Variants in DNM3 observed in about 807,000 individuals in gnomAD.
The protein encoded by DNM3 is dynamin-3.
Under a neutral mutation model 101.6 loss-of-function variants are expected in DNM3, and 47 were observed. That is an observed-to-expected ratio of 0.46 (90% CI 0.37 to 0.59). DNM3 has a LOEUF of 0.59. Among genes scored for constraint, DNM3 ranks in the 20% least tolerant of loss-of-function variants. The pLI is 0.00. For synonymous variants in DNM3, 385 were observed against 387.9 expected (o/e 0.99, Z 0.09); for missense variants, 849 against 1,085.7 (o/e 0.78, Z 3.06).
chr1:172,358,724 C>G (rs1573593101), intron 17 of DNM3, among the ~76,000 whole-genome samples: 1 of 152,158 alleles, frequency 6.6e-6, no homozygotes, highest in South Asian at 2.1e-4. Context: ...TCTCACAAGC[C>G]AGCTCCAGAC....
chr1:172,032,331 T>G (rs2048667675), intron 4 of DNM3, 71 bp from the exon 5 acceptor site: 1 of 1,070,802 alleles, frequency 9.3e-7, no homozygotes, highest in South Asian at 1.3e-5. Flanking sequence ...ACATTTAGCA[T>G]TGTGACATAT....
At chr1:172,152,544 T>G (rs1471576950) in intron 14 of DNM3, among the ~76,000 whole-genome samples, 1 of 152,160 alleles carries the variant, frequency 6.6e-6, no homozygotes, top group Non-Finnish European at 1.5e-5. Flanking sequence ...TAATGTCAAC[T>G]GTAACTATTT....
intron 1 of DNM3, among the ~76,000 whole-genome samples, chr1:171,909,503 A>G (rs1258423724): frequency 1.3e-5 from 2 of 152,080 alleles, no homozygotes; most frequent in African/African-American, 4.8e-5. Context: ...AGGCATCAGA[A>G]GACACTCTTT....
intron 12 of DNM3, among the ~76,000 whole-genome samples, chr1:172,085,039 TCTAGTTATTTGTTAGACATGGC>T (rs1335834049): frequency 6.6e-6 from 1 of 152,152 alleles, no homozygotes; most frequent in African/African-American, 2.4e-5. Flanking sequence ...TTTTCCATCT[TCTAGTTATTTGTTAGACATGGC>T]CTGTAAAATA....
At chr1:171,893,800 T>C (rs16828382) in intron 1 of DNM3, among the ~76,000 whole-genome samples, 2,186 of 151,938 alleles carry the variant, frequency 0.014, 60 homozygotes, top group African/African-American at 0.048. Context: ...TTCAATCCAA[T>C]ATAAGTTGAA....
intron 17 of DNM3, among the ~76,000 whole-genome samples, chr1:172,366,077 T>C (rs1020953141): frequency 6.6e-6 from 1 of 151,632 alleles, no homozygotes; most frequent in Non-Finnish European, 1.5e-5. Context: ...AAACATTTTT[T>C]TAATTAATTA....
At chr1:172,308,614 G>T in intron 15 of DNM3, 114 bp from the exon 16 acceptor site, 1 of 451,780 alleles carries the variant, frequency 2.2e-6, no homozygotes. Flanking sequence ...TTCAGTGACT[G>T]TCAGAAACTG....
At chr1:172,148,394 A>G (rs1275955643) in intron 14 of DNM3, among the ~76,000 whole-genome samples, 1 of 151,986 alleles carries the variant, frequency 6.6e-6, no homozygotes, top group African/African-American at 2.4e-5. Flanking sequence ...TTCTGGTCAA[A>G]TATTCGTCAT....
chr1:172,023,373 T>C lies in DNM3; in HGVS notation c.590-9029T>C, dbSNP rs139112438. ...AAAGGTGAAAGGGAGGTAAAATATTTTGAGATTTGCAAGTCTGGAAATATC... is the reference window on the plus strand; with the variant it reads ...AAAGGTGAAAGGGAGGTAAAATATTCTGAGATTTGCAAGTCTGGAAATATC... On this transcript the variant is annotated intron_variant, in intron 4 of 20. Transcript: ENST00000627582. Among the ~76,000 whole-genome samples, 10 of 152,302 alleles carry C rather than the reference T, an allele frequency of 6.6e-5. No homozygotes were observed. The East Asian group carries it at 1.7e-3, about 26-fold the overall frequency.
chr1:172,220,036 A>G (rs754552100), intron 14 of DNM3, among the ~76,000 whole-genome samples: 8 of 152,224 alleles, frequency 5.3e-5, no homozygotes, highest in Non-Finnish European at 1.0e-4. Flanking sequence ...CCAGGGTTCT[A>G]AAGTAGGCAA....
At chr1:171,977,131 C>G (rs927641236) in intron 2 of DNM3, among the ~76,000 whole-genome samples, 1 of 152,216 alleles carries the variant, frequency 6.6e-6, no homozygotes, top group Non-Finnish European at 1.5e-5. Flanking sequence ...ATTGGAATAA[C>G]TCCTTATTCA....
At chr1:172,034,119 C>T (rs2048800951) in intron 6 of DNM3, among the ~76,000 whole-genome samples, 1 of 152,030 alleles carries the variant, frequency 6.6e-6, no homozygotes. Context: ...CAATATGTGA[C>T]ATTATACCTG....
chr1:172,068,783 T>C (rs774119788), intron 10 of DNM3, 36 bp from the exon 11 acceptor site: 629 of 1,496,474 alleles, frequency 4.2e-4, no homozygotes, highest in Non-Finnish European at 5.2e-4. Flanking sequence ...GTGTAACTTT[T>C]TGAGTATTAA....
intron 12 of DNM3, among the ~76,000 whole-genome samples, chr1:172,085,543 T>C (rs1489599163): frequency 1.3e-5 from 2 of 152,170 alleles, no homozygotes; most frequent in African/African-American, 4.8e-5. Context: ...GTTAGAGTGA[T>C]ATCTCTATAC....
intron 2 of DNM3, among the ~76,000 whole-genome samples, chr1:171,978,889 T>A (rs1478214777): frequency 1.3e-5 from 2 of 152,136 alleles, no homozygotes; most frequent in Admixed American, 1.3e-4. Context: ...AAATGTCAGT[T>A]AAGCATTAGA....
chr1:171,894,292 C>T (rs1453029626), intron 1 of DNM3, among the ~76,000 whole-genome samples: 1 of 152,216 alleles, frequency 6.6e-6, no homozygotes, highest in Non-Finnish European at 1.5e-5. Context: ...TCCCACTGTC[C>T]TTGAGCAGGG....
chr1:171,999,457 A>T (rs1371843935), intron 4 of DNM3, among the ~76,000 whole-genome samples: 1 of 152,138 alleles, frequency 6.6e-6, no homozygotes, highest in Non-Finnish European at 1.5e-5. Flanking sequence ...AAAATCTGAG[A>T]TGCTCATTAA....
chr1:172,272,199 G>T (rs1443992975), intron 15 of DNM3, among the ~76,000 whole-genome samples: 1 of 151,980 alleles, frequency 6.6e-6, no homozygotes, highest in Non-Finnish European at 1.5e-5. Flanking sequence ...GTGCTTGTGT[G>T]TACTTCTTAT....
intron 14 of DNM3, chr1:172,133,395 A>T (rs2057045319): frequency 1.0e-6 from 1 of 987,450 alleles, no homozygotes; most frequent in African/African-American, 1.7e-5. Context: ...AATATTAACC[A>T]AGTGCCATGA....
Sources: allele counts gnomAD v4.1 joint callset (sites outside exome capture counted in the v4.1 genomes callset), GRCh38; gene constraint gnomAD v4.1.1; transcripts MANE v1.5; gene names NCBI Gene and HGNC (gene_info 2026-07-23, HGNC 2026-07-21).